Variants in ZFYVE9 observed in about 807,000 individuals in gnomAD.
ZFYVE9 encodes the protein zinc finger FYVE-type containing 9.
A neutral mutation model predicts 126.7 loss-of-function variants in ZFYVE9; 43 were observed. That is an observed-to-expected ratio of 0.34 (90% CI 0.27 to 0.44). The LOEUF (loss-of-function observed/expected upper bound fraction) is 0.44, where lower values mean the gene tolerates loss of function less well. Among genes scored for constraint, ZFYVE9 ranks in the 20% least tolerant of loss-of-function variants. The probability of loss-of-function intolerance (pLI) is 1.00; values close to 1 mark genes in which losing one functional copy is unlikely to be tolerated. For synonymous variants in ZFYVE9, 521 were observed against 597.4 expected (o/e 0.87, Z 1.87); for missense variants, 1,476 against 1,697.0 (o/e 0.87, Z 2.29).
intron 1 of ZFYVE9, among the ~76,000 whole-genome samples, chr1:52,208,907 A>G (rs541536224): frequency 2.0e-5 from 3 of 152,226 alleles, no homozygotes; most frequent in Non-Finnish European, 4.4e-5. Flanking sequence ...TAGTGGTCCC[A>G]GTACAACTCT....
intron 4 of ZFYVE9, among the ~76,000 whole-genome samples, chr1:52,242,669 T>C (rs77178445): frequency 4.9e-4 from 74 of 152,332 alleles, no homozygotes; most frequent in African/African-American, 1.7e-3. Flanking sequence ...TAAGAACAGA[T>C]TCAAACCAAA....
chr1:52,186,083 A>G (rs1344808123), intron 1 of ZFYVE9, among the ~76,000 whole-genome samples: 9 of 151,762 alleles, frequency 5.9e-5, no homozygotes, highest in African/African-American at 2.2e-4. Flanking sequence ...TCTACTAAAA[A>G]TACAGTATTA....
intron 13 of ZFYVE9, among the ~76,000 whole-genome samples, chr1:52,331,535 G>A (rs1462198968): frequency 2.0e-5 from 3 of 151,108 alleles, no homozygotes; most frequent in African/African-American, 2.4e-5. Flanking sequence ...GGCGGATCAC[G>A]AGGTCAGGAG....
At chr1:52,258,422 A>G (rs755129114) in intron 4 of ZFYVE9, among the ~76,000 whole-genome samples, 2 of 137,676 alleles carry the variant, frequency 1.5e-5, no homozygotes, top group Non-Finnish European at 1.6e-5. Flanking sequence ...TGAGGTTGCT[A>G]CTGGCATTTA....
intron 13 of ZFYVE9, among the ~76,000 whole-genome samples, chr1:52,324,733 C>T (rs1311694859): frequency 2.0e-5 from 3 of 152,232 alleles, no homozygotes; most frequent in African/African-American, 7.2e-5. Context: ...TCCCTGTATC[C>T]TTGTAGTTGT....
intron 1 of ZFYVE9, among the ~76,000 whole-genome samples, chr1:52,175,275 G>T (rs1572074523): frequency 1.3e-5 from 2 of 149,730 alleles, no homozygotes; most frequent in Middle Eastern, 3.4e-3. Flanking sequence ...GCTTAGTTTG[G>T]CTGGATATGA....
chr1:52,272,116 G>A (rs1293505051), intron 7 of ZFYVE9, among the ~76,000 whole-genome samples: 1 of 152,174 alleles, frequency 6.6e-6, no homozygotes. Flanking sequence ...GGGATTACAG[G>A]CATGAGCCAC....
chr1:52,302,705 T>A (rs950633348), intron 12 of ZFYVE9, among the ~76,000 whole-genome samples: 3 of 151,214 alleles, frequency 2.0e-5, no homozygotes, highest in Admixed American at 2.0e-4. Context: ...GAGCCAAGAT[T>A]GCGCCACTGC....
At chr1:52,223,312 C>T (rs1432255406) in intron 2 of ZFYVE9, among the ~76,000 whole-genome samples, 1 of 152,112 alleles carries the variant, frequency 6.6e-6, no homozygotes, top group Admixed American at 6.5e-5. Context: ...AGGTTTCATC[C>T]CTTTGCTTCC....
intron 1 of ZFYVE9, among the ~76,000 whole-genome samples, chr1:52,154,145 C>CTG (rs1176079321): frequency 6.6e-6 from 1 of 152,136 alleles, no homozygotes; most frequent in African/African-American, 2.4e-5. Context: ...TGATTAAGTG[C>CTG]TGTATAAGTC....
intron 15 of ZFYVE9, 72 bp downstream of exon 15, chr1:52,334,840 C>T: frequency 6.9e-7 from 1 of 1,448,312 alleles, no homozygotes; most frequent in Non-Finnish European, 9.6e-7. Flanking sequence ...CTTTACACTT[C>T]TGCTGTAGAT....
rs192276099 is a variant in ZFYVE9, at chr1:52,180,173, G to C, written c.-142-36196G>C. ...AAGTTACCAAAGCCAGTGAGGGTTT[G>C]TGGGTCGTCTTGCACCTTTACAAAC... On this transcript the variant is annotated intron_variant, in intron 1 of 18. Transcript: ENST00000287727. 4,032 of 1,407,542 alleles carry C rather than the reference G, an allele frequency of 2.9e-3. 13 individuals carry two copies. Among genetic ancestry groups the C allele is most frequent in the Non-Finnish European group, 3.4e-3 (3,418 of 994,100 alleles). The allele number at this position is 1,407,542 out of a possible 1,614,324, so 87.2% of individuals were successfully genotyped here. A position where few individuals can be genotyped will look rare whatever the true frequency, so the allele number is the denominator to read the frequency against.
chr1:52,148,270 T>A (rs1020716478), intron 1 of ZFYVE9, among the ~76,000 whole-genome samples: 2 of 151,352 alleles, frequency 1.3e-5, no homozygotes, highest in East Asian at 2.0e-4. Flanking sequence ...AGGTCAGGAG[T>A]TCGAGACCAG....
chr1:52,221,877 G>C (rs1025932762), intron 2 of ZFYVE9, among the ~76,000 whole-genome samples: 1 of 152,156 alleles, frequency 6.6e-6, no homozygotes, highest in East Asian at 1.9e-4. Context: ...GGTCTTTCTT[G>C]AGTGAGTTTT....
At chr1:52,246,720 TGA>T (rs1645388946) in intron 4 of ZFYVE9, among the ~76,000 whole-genome samples, 1 of 144,386 alleles carries the variant, frequency 6.9e-6, no homozygotes. Context: ...TTTTTTTTTT[TGA>T]GATGGAGTTT....
intron 15 of ZFYVE9, among the ~76,000 whole-genome samples, chr1:52,335,848 C>T (rs1278677465): frequency 6.6e-6 from 1 of 152,134 alleles, no homozygotes; most frequent in African/African-American, 2.4e-5. Flanking sequence ...ACAGTCCTTT[C>T]TTAGGCCGGG....
Position 52,343,534 on chromosome 1 carries a change from T to C in ZFYVE9, c.3940-1234T>C, listed in dbSNP as rs1046074412. 2.0e-5 allele frequency among the ~76,000 whole-genome samples: 3 copies of C among 150,172 alleles called. No individual in the cohort carries two copies. The East Asian group carries it at 6.0e-4, about 30-fold the overall frequency. ...ACTTTGGGAGGCTGAGGCAGGAGGA[T>C]CACCTAAGGTCAGGAGTTCAAGGCC... is the stretch of plus-strand genomic sequence containing the variant. On this transcript the variant is annotated intron_variant, in intron 17 of 18. Coordinates refer to ENST00000287727, the MANE Select transcript of ZFYVE9 (RefSeq NM_004799.4).
chr1:52,293,999 C>G (rs1189139949), intron 11 of ZFYVE9, among the ~76,000 whole-genome samples: 1 of 152,144 alleles, frequency 6.6e-6, no homozygotes, highest in Non-Finnish European at 1.5e-5. Context: ...TTCTTTGTCA[C>G]TTGGTTGGAA....
intron 1 of ZFYVE9, among the ~76,000 whole-genome samples, chr1:52,175,144 G>A (rs1289474751): frequency 2.0e-5 from 3 of 151,944 alleles, no homozygotes; most frequent in Admixed American, 2.0e-4. Context: ...GGCTGGTACT[G>A]GTTGTTCCTT....
Sources: gnomAD v4.1 joint callset for allele counts (sites outside exome capture counted in the v4.1 genomes callset) on GRCh38, gnomAD v4.1.1 for gene constraint, MANE v1.5 for transcripts, NCBI Gene and HGNC (gene_info 2026-07-23, HGNC 2026-07-21) for gene names.